MYO7B: variants seen among roughly 807,000 people sequenced by gnomAD.
MYO7B encodes the protein unconventional myosin-VIIb.
Under a neutral mutation model 259.7 loss-of-function variants are expected in MYO7B, and 212 were observed. The ratio of observed to expected loss-of-function variants is 0.82; its 90% CI spans 0.73 to 0.91. MYO7B has a LOEUF of 0.91. MYO7B is among the 40% of genes least tolerant of loss of function. MYO7B has a pLI of 0.00. For missense variants in MYO7B, 2,732 were observed against 2,813.5 expected (o/e 0.97, Z 0.66); for synonymous variants, 1,197 against 1,166.4 (o/e 1.03, Z -0.54).
intron 39 of MYO7B, among the ~76,000 whole-genome samples, chr2:127,632,872 T>C (rs1262141295): frequency 6.6e-6 from 1 of 152,182 alleles, no homozygotes; most frequent in Non-Finnish European, 1.5e-5. Flanking sequence ...GGAGTGGCCA[T>C]AATTTCAGTG....
At chr2:127,572,092 A>G (rs763728694) in intron 6 of MYO7B, among the ~76,000 whole-genome samples, 27 of 152,208 alleles carry the variant, frequency 1.8e-4, no homozygotes, top group Middle Eastern at 3.4e-3. Context: ...GTGATCCGAT[A>G]TTTTTCTATG....
Position 127,607,424 on chromosome 2 carries a change from T to TGTAGGTGGTCACCTGGCCTCTTGG in MYO7B, c.2643+2_2643+25dup. 1.3e-6 allele frequency: 2 copies of TGTAGGTGGTCACCTGGCCTCTTGG among 1,550,692 alleles called. No individual in the cohort carries two copies. Among genetic ancestry groups the TGTAGGTGGTCACCTGGCCTCTTGG allele is most frequent in the Non-Finnish European group, 1.7e-6 (2 of 1,146,720 alleles). ...GCAACTTCCAGCAAAGGAAGGCCAA[T>TGTAGGTGGTCACCTGGCCTCTTGG]GTAGGTGGTCACCTGGCCTCTTGGG... On this transcript the variant is annotated inframe_insertion and splice_region_variant. Coordinates refer to ENST00000409816, the MANE Select transcript of MYO7B (RefSeq NM_001393586.1). The surrounding 1 kb of genome is among the most constrained non-coding windows in gnomAD (Gnocchi z 4.4).
In MYO7B at chr2:127,607,354, C is replaced by A; in HGVS notation, c.2573C>A (p.Ala858Glu). ...VRQQVQAKRRAVVVIQAHARG... is the reference protein window; with the variant it reads ...VRQQVQAKRREVVVIQAHARG... ...CAGCAAGTCCAGGCCAAGAGGAGGG[C>A]AGTGGTGGTCATTCAGGCCCATGCC... Residue 858 changes from alanine to glutamate, a missense_variant, in exon 21 of 48, where the codon GCA (alanine) becomes GAA (glutamate). Physicochemically the swap from Ala to Glu is moderately radical, Grantham distance 107. Coordinates refer to ENST00000409816, the MANE Select transcript of MYO7B (RefSeq NM_001393586.1). The surrounding 1 kb of genome is among the most constrained non-coding windows in gnomAD (Gnocchi z 4.4). 2 of 1,551,474 alleles carry A rather than the reference C, an allele frequency of 1.3e-6. No homozygotes were observed. Among genetic ancestry groups the A allele is most frequent in the Non-Finnish European group, 1.7e-6 (2 of 1,146,854 alleles).
chr2:127,624,681 G>A (rs774266948), intron 30 of MYO7B, among the ~76,000 whole-genome samples: 4 of 152,248 alleles, frequency 2.6e-5, no homozygotes, highest in African/African-American at 4.8e-5. Flanking sequence ...TTGTGACCTT[G>A]GAAAGTCCTG....
At position 127,627,365 on chromosome 2, in the gene MYO7B, T is replaced by TTG; in HGVS notation, c.4460+55_4460+56insTG. 1 of 717,474 alleles carries TTG rather than the reference T, an allele frequency of 1.4e-6. No individual in the cohort carries two copies. Among genetic ancestry groups the TTG allele is most frequent in the Non-Finnish European group, 2.1e-6 (1 of 482,036 alleles). 44.4% of individuals were successfully genotyped at this position (717,474 alleles called of 1,614,324 possible). On this transcript the variant is annotated intron_variant, in intron 33 of 47. Transcript: ENST00000409816. The surrounding 1 kb of genome is among the most constrained non-coding windows in gnomAD (Gnocchi z 5.6). Reference sequence around the variant, plus strand: ...ACACACTGAGTCCTTGTGATGCATCTGGGGGCTCGGGGAGAGATGGGGAGA... The same window carrying TTG: ...ACACACTGAGTCCTTGTGATGCATCTTGGGGGGCTCGGGGAGAGATGGGGAGA...
At chr2:127,537,160 G>A (rs1012546804) in intron 1 of MYO7B, among the ~76,000 whole-genome samples, 34 of 152,186 alleles carry the variant, frequency 2.2e-4, no homozygotes, top group African/African-American at 7.2e-4. Context: ...ACAGAATGGG[G>A]CTGAGAGAAA....
intron 16 of MYO7B, 95 bp from the exon 17 acceptor site, chr2:127,592,699 T>A: frequency 6.8e-7 from 1 of 1,480,598 alleles, no homozygotes; most frequent in Non-Finnish European, 9.0e-7. Flanking sequence ...CACTGACCTC[T>A]GGCTGTGGGC....
chr2:127,618,040 G>A (rs1039711283), intron 26 of MYO7B, among the ~76,000 whole-genome samples: 36 of 151,878 alleles, frequency 2.4e-4, no homozygotes, highest in African/African-American at 8.2e-4. Flanking sequence ...TCTTTCCCTA[G>A]CTCTCTCTAT....
chr2:127,620,201 TG>T, intron 26 of MYO7B, 138 bp from the exon 27 acceptor site: 1 of 980,346 alleles, frequency 1.0e-6, no homozygotes, highest in Non-Finnish European at 1.5e-6. Context: ...AGGAGGAGGC[TG>T]GGCAGGGCCC....
chr2:127,605,824 G>A lies in MYO7B; in HGVS notation c.2340-20G>A, dbSNP rs1476027271. ...CCATCTGGGATTGTTACATGTGTGT[G>A]GCTTGCATTGCCCTTCTAGGAAGGA... On this transcript the variant is annotated intron_variant, in intron 19 of 47. Coordinates refer to ENST00000409816, the MANE Select transcript of MYO7B (RefSeq NM_001393586.1). The A allele has an allele frequency of 5.6e-6, 9 of 1,611,086 alleles. No homozygotes were observed. Among genetic ancestry groups the A allele is most frequent in the Non-Finnish European group, 6.8e-6 (8 of 1,178,212 alleles).
At chr2:127,554,492 G>A (rs756760812) in intron 1 of MYO7B, among the ~76,000 whole-genome samples, 1 of 152,180 alleles carries the variant, frequency 6.6e-6, no homozygotes, top group Non-Finnish European at 1.5e-5. Context: ...CTAGTATTTT[G>A]TTAAGGATTT....
intron 6 of MYO7B, among the ~76,000 whole-genome samples, chr2:127,572,935 CA>C (rs35705768): frequency 4.9e-4 from 71 of 144,232 alleles, no homozygotes; most frequent in African/African-American, 1.1e-3. Flanking sequence ...CAGTTAGTAC[CA>C]AAAAAAAAAA....
At position 127,636,937 on chromosome 2, in the gene MYO7B, T is replaced by A; in HGVS notation, c.6327+24T>A. The A allele has an allele frequency of 3.1e-6, 5 of 1,607,812 alleles. No individual in the cohort carries two copies. The highest frequency in any genetic ancestry group is 4.2e-6 in the Non-Finnish European group (5 of 1,179,774). On this transcript the variant is annotated intron_variant, in intron 47 of 47. Coordinates refer to ENST00000409816, the MANE Select transcript of MYO7B (RefSeq NM_001393586.1). This position sits in a 1 kb window ranked among gnomAD's most constrained non-coding sequence, Gnocchi z 4.5. ...TGGTGAGCTCAGGTTCTTTCTCCCA[T>A]CCAAGATGCATAGGACAGAGCTGCT... is the stretch of plus-strand genomic sequence containing the variant.
In MYO7B at chr2:127,627,779, TTGAC is replaced by T. The variant is rs1289383806; in HGVS notation, c.4460+472_4460+475del. The T allele has an allele frequency of 1.1e-5, 5 of 457,688 alleles. No individual in the cohort carries two copies. Among genetic ancestry groups the T allele is most frequent in the African/African-American group, 2.0e-5 (1 of 50,030 alleles). The allele number at this position is 457,688 out of a possible 1,614,324, so 28.4% of individuals were successfully genotyped here. A position where few individuals can be genotyped will look rare whatever the true frequency, so the allele number is the denominator to read the frequency against. On this transcript the variant is annotated intron_variant, in intron 33 of 47. Coordinates refer to ENST00000409816, the MANE Select transcript of MYO7B (RefSeq NM_001393586.1). This position sits in a 1 kb window ranked among gnomAD's most constrained non-coding sequence, Gnocchi z 5.6. ...CTCCCATGGGTCTCCATGGATCTCA[TTGAC>T]TGGGAACTTTTCCATGCCCTTTGGG...
rs577908289 is a variant in MYO7B, at chr2:127,573,931, G to T, written c.604G>T (p.Ala202Ser). 25 of 1,614,062 alleles carry T rather than the reference G, an allele frequency of 1.5e-5. No homozygotes were observed. In the South Asian group the frequency reaches 2.7e-4, roughly 18 times the overall value. ...CCGCTTACCTTCAGCCTTTGGAAAT[G>T]CCAAGACAATCCGCAACGACAACTC... ...ANPILEAFGN[A>S]KTIRNDNSSR... Residue 202 changes from alanine (A) to serine (S), a missense_variant, in exon 7 of 48, where the codon GCC (alanine) becomes TCC (serine). This residue lies in a region of MYO7B where 1,906 missense variants were observed against 2,026.4 expected (regional missense o/e 0.94). Coordinates refer to ENST00000409816, the MANE Select transcript of MYO7B (RefSeq NM_001393586.1).
intron 31 of MYO7B, 162 bp from the exon 32 acceptor site, chr2:127,626,813 C>A: frequency 1.6e-6 from 1 of 639,190 alleles, no homozygotes; most frequent in Non-Finnish European, 2.8e-6. Context: ...CTGCACCAGT[C>A]CCTGGGGACG....
chr2:127,550,864 A>T (rs1048476842), intron 1 of MYO7B, among the ~76,000 whole-genome samples: 1 of 41,648 alleles, frequency 2.4e-5, no homozygotes, highest in African/African-American at 2.2e-4. Context: ...GAGGATGAAG[A>T]TGTGAGGGAG....
Position 127,586,785 on chromosome 2 carries a change from T to A in MYO7B, c.1691-1607T>A, listed in dbSNP as rs182108603. On this transcript the variant is annotated intron_variant, in intron 14 of 47. Coordinates refer to ENST00000409816, the MANE Select transcript of MYO7B (RefSeq NM_001393586.1). This position sits in a 1 kb window ranked among gnomAD's most constrained non-coding sequence, Gnocchi z 4.8. ...TTTTATTTTGGATACCATGCTGTGC[T>A]GATGACCTCAGCTTTACTTACTCTG... Among the ~76,000 whole-genome samples, 1 of 152,210 alleles carries A rather than the reference T, an allele frequency of 6.6e-6. No individual in the cohort carries two copies. Among genetic ancestry groups the A allele is most frequent in the Non-Finnish European group, 1.5e-5 (1 of 68,036 alleles).
At chr2:127,634,994 G>A (rs549462628) in intron 42 of MYO7B, 126 bp from the exon 43 acceptor site, 3 of 755,434 alleles carry the variant, frequency 4.0e-6, no homozygotes, top group African/African-American at 1.7e-5. Context: ...TGTGGGGACT[G>A]GGGAGGAAGA....
Sources: allele counts gnomAD v4.1 joint callset (sites outside exome capture counted in the v4.1 genomes callset), GRCh38; gene constraint gnomAD v4.1.1; regional missense constraint gnomAD v4.1.1; non-coding constraint Gnocchi (gnomAD v3.1); transcripts MANE v1.5; gene names NCBI Gene and HGNC (gene_info 2026-07-23, HGNC 2026-07-21).